Variants in MREG observed in about 807,000 individuals in gnomAD.
MREG encodes melanoregulin.
MREG carries 31 observed loss-of-function variants against 28.5 expected under a neutral mutation model. That is an observed-to-expected ratio of 1.09 (90% CI 0.82 to 1.47). MREG has a LOEUF of 1.47. Ranked by LOEUF, MREG falls within the 40% of genes most tolerant of loss-of-function variation. The pLI, the probability that MREG is intolerant of heterozygous loss-of-function variation, is 0.00. For synonymous variants in MREG, 106 were observed against 95.2 expected, an observed-to-expected ratio of 1.11 and a Z score of -0.66; for missense variants, 256 against 257.4, an observed-to-expected ratio of 0.99 and a Z score of 0.04.
At chr2:215,995,177 T>A (rs2106015542) in intron 2 of MREG, among the ~76,000 whole-genome samples, 1 of 152,302 alleles carries the variant, frequency 6.6e-6, no homozygotes. Flanking sequence ...AGAGGGGATT[T>A]TGCTGGGGAC....
At position 215,994,186 on chromosome 2, in the gene MREG, C is replaced by G. The variant is rs550488060; in HGVS notation, c.255+2120G>C. On this transcript the variant is annotated intron_variant, in intron 2 of 4. Transcript: ENST00000263268. ...CCAAATGCCCATCAATGATAGACTG[C>G]ATAAAGAAAATGTGGCACATATACT... Among the ~76,000 whole-genome samples, 43 of 151,968 alleles carry G rather than the reference C, an allele frequency of 2.8e-4. No individual in the cohort carries two copies. In the South Asian group the frequency reaches 6.4e-3, roughly 23 times the overall value.
At position 215,994,890 on chromosome 2, in the gene MREG, A is replaced by AAGAG. The variant is rs146188715; in HGVS notation, c.255+1412_255+1415dup. On this transcript the variant is annotated intron_variant, in intron 2 of 4. Coordinates refer to ENST00000263268, the MANE Select transcript of MREG (RefSeq NM_018000.3). The stretch of plus-strand genomic sequence containing the variant: ...ATGGGGCCCTGGTGAGAGAGAGAGA[A>AAGAG]AGAGAGAGAGAGAGACACTATACAT... 2.6e-5 allele frequency among the ~76,000 whole-genome samples: 4 copies of AAGAG among 151,186 alleles called. No individual in the cohort carries two copies. In the East Asian group the frequency reaches 5.8e-4, roughly 22 times the overall value.
chr2:216,031,683 G>GAGAAAGAA (rs1559204116), intron 1 of MREG, among the ~76,000 whole-genome samples: 24 of 53,742 alleles, frequency 4.5e-4, no homozygotes, highest in African/African-American at 1.5e-3. Flanking sequence ...AAGAAAGAAA[G>GAGAAAGAA]AAAGAAAGAG....
chr2:216,025,778 C>T (rs1004239972), intron 1 of MREG, among the ~76,000 whole-genome samples: 2 of 152,180 alleles, frequency 1.3e-5, no homozygotes, highest in African/African-American at 2.4e-5. Flanking sequence ...ATCTAGAGCC[C>T]GTGAATCTCA....
chr2:215,956,786 C>T (rs372530925), intron 2 of MREG, among the ~76,000 whole-genome samples: 4 of 152,224 alleles, frequency 2.6e-5, no homozygotes, highest in African/African-American at 7.2e-5. Context: ...GTGATCCTCC[C>T]GCCTTGGCCT....
chr2:216,022,589 A>G (rs1171556593), intron 1 of MREG, among the ~76,000 whole-genome samples: 1 of 152,200 alleles, frequency 6.6e-6, no homozygotes, highest in African/African-American at 2.4e-5. Context: ...TCCTGCCATA[A>G]CAAACACTTT....
intron 1 of MREG, among the ~76,000 whole-genome samples, chr2:215,999,796 G>A (rs894206704): frequency 1.3e-5 from 2 of 152,178 alleles, no homozygotes; most frequent in African/African-American, 4.8e-5. Context: ...TGGGGCAGAA[G>A]CCACGGCTGA....
At chr2:215,970,537 T>C (rs1559181326) in intron 2 of MREG, among the ~76,000 whole-genome samples, 1 of 152,216 alleles carries the variant, frequency 6.6e-6, no homozygotes, top group Non-Finnish European at 1.5e-5. Context: ...ATCAAAGGAC[T>C]GTGACTCAAG....
At chr2:215,993,856 C>T (rs183830112) in intron 2 of MREG, among the ~76,000 whole-genome samples, 221 of 152,324 alleles carry the variant, frequency 1.5e-3, no homozygotes, top group Non-Finnish European at 2.8e-3. Context: ...ATCAAAACTA[C>T]AATGAGATAC....
chr2:216,011,570 G>T (rs929634652), intron 1 of MREG, among the ~76,000 whole-genome samples: 8 of 152,158 alleles, frequency 5.3e-5, no homozygotes, highest in African/African-American at 1.7e-4. Flanking sequence ...CTTGTGCCAG[G>T]TTACCTAGTT....
chr2:215,974,063 G>A (rs780320699), intron 2 of MREG, among the ~76,000 whole-genome samples: 1 of 152,208 alleles, frequency 6.6e-6, no homozygotes, highest in African/African-American at 2.4e-5. Flanking sequence ...GAGCTTGGGT[G>A]TGACTTTTCC....
intron 1 of MREG, among the ~76,000 whole-genome samples, chr2:216,028,527 CA>C (rs1191138312): frequency 0.11 from 6,711 of 62,710 alleles, 93 homozygotes; most frequent in African/African-American, 0.19. Flanking sequence ...GACTCCATCT[CA>C]AAAAAAAAAA....
intron 1 of MREG, among the ~76,000 whole-genome samples, chr2:215,998,307 C>CAAAAAAA (rs1222506866): frequency 8.1e-6 from 1 of 123,876 alleles, no homozygotes; most frequent in Non-Finnish European, 1.8e-5. Flanking sequence ...CTCCATCTCA[C>CAAAAAAA]AAAAAAAAAA....
intron 2 of MREG, among the ~76,000 whole-genome samples, chr2:215,971,986 C>A (rs1693112303): frequency 6.6e-6 from 1 of 152,162 alleles, no homozygotes; most frequent in Non-Finnish European, 1.5e-5. Context: ...GATGGTGCAA[C>A]TCCAAGATAT....
upstream of MREG, among the ~76,000 whole-genome samples, chr2:216,016,823 C>T (rs1013748843): frequency 4.6e-5 from 7 of 152,218 alleles, no homozygotes; most frequent in African/African-American, 1.7e-4. Context: ...TAGAAAGCCA[C>T]AGAACTACAT....
intron 2 of MREG, among the ~76,000 whole-genome samples, chr2:215,990,403 A>G (rs1279742656): frequency 6.6e-6 from 1 of 152,240 alleles, no homozygotes; most frequent in Non-Finnish European, 1.5e-5. Flanking sequence ...GAAGCACTAA[A>G]TATGAAAGGA....
chr2:216,023,285 C>G (rs1409209981), intron 1 of MREG, among the ~76,000 whole-genome samples: 1 of 152,198 alleles, frequency 6.6e-6, no homozygotes, highest in Admixed American at 6.5e-5. Flanking sequence ...GGAGATGGGG[C>G]TAAGGATCTC....
chr2:216,000,262 C>T (rs2106021587), intron 1 of MREG, among the ~76,000 whole-genome samples: 1 of 152,124 alleles, frequency 6.6e-6, no homozygotes, highest in East Asian at 1.9e-4. Flanking sequence ...ACAGTCCCCC[C>T]AACATGAGTT....
At chr2:216,020,138 G>A (rs928664075) in intron 1 of MREG, among the ~76,000 whole-genome samples, 2 of 152,194 alleles carry the variant, frequency 1.3e-5, no homozygotes, top group East Asian at 1.9e-4. Flanking sequence ...ACCCTGTTGC[G>A]TGTCCAACAC....
Sources: gnomAD v4.1 joint callset for allele counts (sites outside exome capture counted in the v4.1 genomes callset) on GRCh38, gnomAD v4.1.1 for gene constraint, MANE v1.5 for transcripts, NCBI Gene and HGNC (gene_info 2026-07-23, HGNC 2026-07-21) for gene names.